The following MAD1L1 variants were observed in gnomAD, a reference collection of about 807,000 sequenced individuals.
The protein encoded by MAD1L1 is mitotic spindle assembly checkpoint protein MAD1.
A neutral mutation model predicts 96.9 loss-of-function variants in MAD1L1; 95 were observed. The observed-to-expected ratio is 0.98, with a 90% CI of 0.83 to 1.16. The LOEUF (loss-of-function observed/expected upper bound fraction) is 1.16, where lower values mean the gene tolerates loss of function less well. Among genes scored for constraint, MAD1L1 ranks in the 50% most tolerant of loss-of-function variants. MAD1L1 has a pLI of 0.00. For missense variants in MAD1L1, 1,007 were observed against 954.4 expected (o/e 1.06, Z -0.73); for synonymous variants, 473 against 396.6 (o/e 1.19, Z -2.29).
In MAD1L1 at chr7:1,986,410, C is replaced by T. The variant is rs188081068; in HGVS notation, c.1417-5869G>A. Among the ~76,000 whole-genome samples the T allele has an allele frequency of 3.5e-3, 540 of 152,118 alleles. 3 individuals carry two copies. The highest frequency in any genetic ancestry group is 0.014 in the Middle Eastern group (4 of 292). On this transcript the variant is annotated intron_variant, in intron 14 of 18. Coordinates refer to ENST00000265854, the MANE Select transcript of MAD1L1 (RefSeq NM_001013836.2). ...CAGGGACCCCCGTTCCAGCTGCCGC[C>T]GGCCCCCGCACTGCGGAGCCAGGGT... is the stretch of plus-strand genomic sequence containing the variant.
intron 10 of MAD1L1, among the ~76,000 whole-genome samples, chr7:2,189,565 T>G (rs1791619758): frequency 6.6e-6 from 1 of 150,794 alleles, no homozygotes; most frequent in Non-Finnish European, 1.5e-5. Flanking sequence ...TATTTCATGA[T>G]TCTCCTTCTA....
At chr7:2,075,103 G>T (rs974064649) in intron 11 of MAD1L1, among the ~76,000 whole-genome samples, 5 of 152,188 alleles carry the variant, frequency 3.3e-5, no homozygotes, top group Admixed American at 2.0e-4. Context: ...TGAGGTGCCG[G>T]CGTCTCGAGA....
intron 15 of MAD1L1, among the ~76,000 whole-genome samples, chr7:1,977,919 A>G (rs1780720794): frequency 6.6e-6 from 1 of 152,238 alleles, no homozygotes; most frequent in South Asian, 2.1e-4. Flanking sequence ...CCCAGATTTA[A>G]GAACCTACTC....
chr7:1,914,603 A>G (rs1336449693), intron 17 of MAD1L1, among the ~76,000 whole-genome samples: 1 of 152,018 alleles, frequency 6.6e-6, no homozygotes, highest in African/African-American at 2.4e-5. Context: ...CCGAGATCAC[A>G]TCGTGTTGAG....
At chr7:1,973,069 G>A (rs1227827750) in intron 15 of MAD1L1, among the ~76,000 whole-genome samples, 1 of 152,192 alleles carries the variant, frequency 6.6e-6, no homozygotes, top group African/African-American at 2.4e-5. Flanking sequence ...GATGACCCGT[G>A]ATGTGATCTG....
chr7:2,065,406 T>C (rs1784837672), intron 12 of MAD1L1, among the ~76,000 whole-genome samples: 2 of 152,202 alleles, frequency 1.3e-5, no homozygotes, highest in Non-Finnish European at 2.9e-5. Context: ...ACGTTGGTTT[T>C]GAGACCGTGG....
chr7:1,922,902 G>A (rs1051685867), intron 17 of MAD1L1, among the ~76,000 whole-genome samples: 2 of 152,208 alleles, frequency 1.3e-5, no homozygotes, highest in African/African-American at 4.8e-5. Context: ...GCGAGCTGAC[G>A]CGATGGATTG....
chr7:2,173,018 T>C (rs529709952), intron 10 of MAD1L1, among the ~76,000 whole-genome samples: 7 of 152,330 alleles, frequency 4.6e-5, no homozygotes, highest in East Asian at 1.9e-4. Context: ...TTTTCTTCCA[T>C]GTATACGTAT....
intron 15 of MAD1L1, among the ~76,000 whole-genome samples, chr7:1,971,214 C>T (rs1001395902): frequency 6.6e-6 from 1 of 152,196 alleles, no homozygotes; most frequent in Admixed American, 6.5e-5. Flanking sequence ...CATCACTTGC[C>T]TCTCACTGCA....
intron 4 of MAD1L1, chr7:2,223,667 G>T (rs1056806682): frequency 6.6e-6 from 1 of 152,284 alleles, no homozygotes; most frequent in Non-Finnish European, 1.5e-5. Context: ...CTTGTGAGCT[G>T]CAAGGGCTGC....
At chr7:1,821,411 A>T (rs1378750122) in intron 18 of MAD1L1, among the ~76,000 whole-genome samples, 1 of 152,152 alleles carries the variant, frequency 6.6e-6, no homozygotes, top group African/African-American at 2.4e-5. Context: ...ATCCTTTTTC[A>T]GTTAACAAAA....
rs553952103 is a variant in MAD1L1 at position 1,924,717 on chromosome 7, T to G, written c.1807+11970A>C. On this transcript the variant is annotated intron_variant, in intron 17 of 18. Transcript: ENST00000265854. ...CACAAACTACTTTTTGCCTCTTATGTTTTATAAAATAGGCATGACAGTTAA... is the reference window on the plus strand; with the variant it reads ...CACAAACTACTTTTTGCCTCTTATGGTTTATAAAATAGGCATGACAGTTAA... 1.2e-4 allele frequency among the ~76,000 whole-genome samples: 19 copies of G among 152,246 alleles called. No individual in the cohort carries two copies. The South Asian group carries it at 3.9e-3, about 32-fold the overall frequency.
chr7:2,020,125 C>T (rs574233515), intron 12 of MAD1L1, among the ~76,000 whole-genome samples: 3 of 152,340 alleles, frequency 2.0e-5, no homozygotes, highest in South Asian at 2.1e-4. Flanking sequence ...GGCAGAGCCC[C>T]GGCTGGTGCT....
At chr7:1,955,588 G>T (rs1779690558) in intron 16 of MAD1L1, among the ~76,000 whole-genome samples, 1 of 152,226 alleles carries the variant, frequency 6.6e-6, no homozygotes, top group Non-Finnish European at 1.5e-5. Flanking sequence ...ACCATGCCCA[G>T]CCAAAAGAGA....
chr7:2,192,180 G>C (rs141017957), intron 10 of MAD1L1, among the ~76,000 whole-genome samples: 1 of 151,776 alleles, frequency 6.6e-6, no homozygotes, highest in African/African-American at 2.4e-5. Flanking sequence ...GCCCAGGCTG[G>C]AGTGTAATGG....
intron 18 of MAD1L1, among the ~76,000 whole-genome samples, chr7:1,878,862 A>C (rs1311982631): frequency 6.6e-6 from 1 of 152,092 alleles, no homozygotes. Context: ...ACACGATACA[A>C]TTGTCTATGT....
chr7:2,090,557 C>T (rs1786156305), intron 11 of MAD1L1, among the ~76,000 whole-genome samples: 3 of 152,306 alleles, frequency 2.0e-5, no homozygotes, highest in Non-Finnish European at 4.4e-5. Flanking sequence ...GTCCTTGTTC[C>T]TTCCCAGGGT....
rs531881947 is a variant in MAD1L1, at chr7:2,143,559, T to C, written c.1073+5593A>G. Among the ~76,000 whole-genome samples the C allele has an allele frequency of 7.3e-5, 11 of 151,374 alleles. No individual in the cohort carries two copies. In the South Asian group the frequency reaches 1.7e-3, roughly 23 times the overall value. ...TGACAGAAAACATGGTGATATCCAC[T>C]CATCACACCCAATGACTCTCGAGTC... On this transcript the variant is annotated intron_variant, in intron 11 of 18. Coordinates refer to ENST00000265854, the MANE Select transcript of MAD1L1 (RefSeq NM_001013836.2).
chr7:1,886,530 G>A (rs1247744891), intron 18 of MAD1L1, among the ~76,000 whole-genome samples: 1 of 152,196 alleles, frequency 6.6e-6, no homozygotes, highest in African/African-American at 2.4e-5. Flanking sequence ...GAGTGGGAGA[G>A]CACGGTGGCA....
Sources: gnomAD v4.1 joint callset for allele counts (sites outside exome capture counted in the v4.1 genomes callset) on GRCh38, gnomAD v4.1.1 for gene constraint, MANE v1.5 for transcripts, NCBI Gene and HGNC (gene_info 2026-07-23, HGNC 2026-07-21) for gene names.